ITGA9: variants seen among roughly 807,000 people sequenced by gnomAD.
ITGA9 encodes integrin subunit alpha 9.
ITGA9 carries 56 observed loss-of-function variants against 127.8 expected under a neutral mutation model. The observed-to-expected ratio is 0.44, with a 90% CI of 0.35 to 0.55. The LOEUF (loss-of-function observed/expected upper bound fraction) is 0.55. ITGA9 is among the 20% of genes least tolerant of loss of function. The pLI is 0.00. For synonymous variants in ITGA9, 508 were observed against 514.5 expected (o/e 0.99, Z 0.17); for missense variants, 1,196 against 1,347.1 (o/e 0.89, Z 1.76).
chr3:37,575,582 A>G (rs927676155), intron 15 of ITGA9, among the ~76,000 whole-genome samples: 3 of 152,128 alleles, frequency 2.0e-5, no homozygotes, highest in African/African-American at 7.2e-5. Context: ...CAAGAAAGGA[A>G]AGCAGCTCTG....
intron 8 of ITGA9, 134 bp downstream of exon 8, chr3:37,508,761 G>T (rs1698871346): frequency 2.7e-6 from 2 of 729,588 alleles, no homozygotes. Context: ...CTGCTTGTTG[G>T]TGTCTTTACC....
In ITGA9 at chr3:37,748,293, TGAAA is replaced by T. The variant is rs1452691604; in HGVS notation, c.2434-2166_2434-2163del. 7.4e-5 allele frequency: 39 copies of T among 526,530 alleles called. No homozygotes were observed. In the Admixed American group the frequency reaches 8.0e-4, roughly 11 times the overall value. The allele number at this position is 526,530 out of a possible 1,614,324, so 32.6% of individuals were successfully genotyped here. A position where few individuals can be genotyped will look rare whatever the true frequency, so the allele number is the denominator to read the frequency against. On this transcript the variant is annotated intron_variant, in intron 22 of 27. Coordinates refer to ENST00000264741, the MANE Select transcript of ITGA9 (RefSeq NM_002207.3). ...CCCGCAAGTATTACCATGGCTAAAC[TGAAA>T]GAGTCTACGGTGTTACCCAGCATGC... is the stretch of plus-strand genomic sequence containing the variant.
chr3:37,467,481 C>T (rs1559513389), intron 1 of ITGA9, among the ~76,000 whole-genome samples: 1 of 152,116 alleles, frequency 6.6e-6, no homozygotes, highest in Non-Finnish European at 1.5e-5. Flanking sequence ...CTCCAGGGTC[C>T]CCTCCTGCTT....
chr3:37,592,712 C>T (rs1260620628), intron 15 of ITGA9, among the ~76,000 whole-genome samples: 1 of 152,028 alleles, frequency 6.6e-6, no homozygotes, highest in African/African-American at 2.4e-5. Context: ...TCCAAGGACC[C>T]CTTGGGTTTC....
At chr3:37,528,036 C>T (rs1464376562) in intron 13 of ITGA9, among the ~76,000 whole-genome samples, 1 of 152,138 alleles carries the variant, frequency 6.6e-6, no homozygotes, top group Non-Finnish European at 1.5e-5. Context: ...CTGCCCACCT[C>T]AGCCTCCCAA....
intron 18 of ITGA9, among the ~76,000 whole-genome samples, chr3:37,690,223 G>A (rs927096573): frequency 3.3e-5 from 5 of 152,208 alleles, no homozygotes; most frequent in Admixed American, 3.3e-4. Context: ...TTGGAGCAGG[G>A]ATGAGAGGGT....
intron 18 of ITGA9, among the ~76,000 whole-genome samples, chr3:37,692,961 A>T (rs1217944324): frequency 1.3e-5 from 2 of 152,168 alleles, no homozygotes; most frequent in African/African-American, 4.8e-5. Flanking sequence ...TCTTAGAGGA[A>T]GAACAAAGAA....
chr3:37,637,486 A>G (rs1339124851), intron 16 of ITGA9, among the ~76,000 whole-genome samples: 1 of 152,182 alleles, frequency 6.6e-6, no homozygotes, highest in East Asian at 1.9e-4. Context: ...TTGATTTTGT[A>G]TCCTGAGAGT....
At chr3:37,668,995 A>G (rs913259188) in intron 17 of ITGA9, among the ~76,000 whole-genome samples, 4 of 152,174 alleles carry the variant, frequency 2.6e-5, no homozygotes, top group African/African-American at 9.7e-5. Context: ...TTCCAGAGCC[A>G]CGTGTGAGAC....
intron 27 of ITGA9, among the ~76,000 whole-genome samples, chr3:37,815,789 A>G (rs1051991972): frequency 4.6e-5 from 7 of 152,300 alleles, no homozygotes; most frequent in African/African-American, 1.4e-4. Context: ...CTTAAAAGCA[A>G]TATCCATCTA....
intron 1 of ITGA9, among the ~76,000 whole-genome samples, chr3:37,467,322 T>C (rs1377197540): frequency 6.6e-6 from 1 of 152,230 alleles, no homozygotes; most frequent in Non-Finnish European, 1.5e-5. Flanking sequence ...AGGGTTTGAA[T>C]CAGCTATTGT....
chr3:37,662,110 T>C, intron 17 of ITGA9, among the ~76,000 whole-genome samples: 1 of 152,084 alleles, frequency 6.6e-6, no homozygotes, highest in Admixed American at 6.6e-5. Flanking sequence ...CTAACAAGAA[T>C]ACAGCCAGGG....
rs147561771 is a variant in ITGA9 at position 37,659,871 on chromosome 3, A to T, written c.1916+6081A>T. ...ACTTTCAGATGGGGTTTCTGTATGG[A>T]CGTACACTAGTACATTTTAACTTAT... On this transcript the variant is annotated intron_variant, in intron 17 of 27. Coordinates refer to ENST00000264741, the MANE Select transcript of ITGA9 (RefSeq NM_002207.3). Among the ~76,000 whole-genome samples the T allele has an allele frequency of 1.6e-3, 246 of 152,166 alleles. 1 individual carries two copies. Among genetic ancestry groups the T allele is most frequent in the African/African-American group, 5.7e-3 (236 of 41,508 alleles).
intron 17 of ITGA9, among the ~76,000 whole-genome samples, chr3:37,663,767 A>G (rs1700559853): frequency 6.6e-6 from 1 of 152,238 alleles, no homozygotes; most frequent in Non-Finnish European, 1.5e-5. Flanking sequence ...CTCCATATAC[A>G]TAAAAGCACT....
rs561746047 is a variant in ITGA9 at position 37,472,956 on chromosome 3, T to C, written c.314-398T>C. Reference sequence around the variant, plus strand: ...GAGTTTGAGACCAGCCTGGACAACATGGTGAAAACCCATCTCTGCTAAAAA... The same window carrying C: ...GAGTTTGAGACCAGCCTGGACAACACGGTGAAAACCCATCTCTGCTAAAAA... On this transcript the variant is annotated intron_variant, in intron 2 of 27. Coordinates refer to ENST00000264741, the MANE Select transcript of ITGA9 (RefSeq NM_002207.3). 3.3e-5 allele frequency among the ~76,000 whole-genome samples: 5 copies of C among 151,148 alleles called. No homozygotes were observed. The South Asian group carries it at 6.3e-4, about 19-fold the overall frequency.
chr3:37,790,211 C>T (rs1161452903), intron 26 of ITGA9: 10 of 563,092 alleles, frequency 1.8e-5, no homozygotes, highest in Admixed American at 9.6e-5. Flanking sequence ...TTTACCTGCG[C>T]GGAAGACACA....
At chr3:37,542,744 C>A (rs72855871) in intron 15 of ITGA9, among the ~76,000 whole-genome samples, 159 bp downstream of exon 15, 2,678 of 152,244 alleles carry the variant, frequency 0.018, 64 homozygotes, top group African/African-American at 0.061. Flanking sequence ...TAAAGTTGGC[C>A]TCTGACAGCC....
intron 27 of ITGA9, among the ~76,000 whole-genome samples, chr3:37,817,938 C>A (rs538327087): frequency 6.6e-6 from 1 of 152,196 alleles, no homozygotes; most frequent in East Asian, 1.9e-4. Flanking sequence ...GGTGCACAGA[C>A]AGCACAAATT....
At chr3:37,536,780 G>T (rs1699212088) in intron 14 of ITGA9, among the ~76,000 whole-genome samples, 1 of 152,220 alleles carries the variant, frequency 6.6e-6, no homozygotes, top group South Asian at 2.1e-4. Context: ...TCTGAAACAG[G>T]CAGAGTCCAG....
Sources: allele counts gnomAD v4.1 joint callset (sites outside exome capture counted in the v4.1 genomes callset), GRCh38; gene constraint gnomAD v4.1.1; transcripts MANE v1.5; gene names NCBI Gene and HGNC (gene_info 2026-07-23, HGNC 2026-07-21).